The following FAM107B variants were observed in gnomAD, a reference collection of about 807,000 sequenced individuals.
FAM107B encodes the protein family with sequence similarity 107 member B, also known as protein FAM107B.
In FAM107B, 21 loss-of-function variants were observed where a neutral mutation model predicts 31.5. The observed-to-expected ratio is 0.67, with a 90% CI of 0.47 to 0.96. The LOEUF (loss-of-function observed/expected upper bound fraction) is 0.96. Among genes scored for constraint, FAM107B ranks in the 40% least tolerant of loss-of-function variants. The probability of loss-of-function intolerance (pLI) is 0.00; values close to 1 mark genes in which losing one functional copy is unlikely to be tolerated. For synonymous variants in FAM107B, 157 were observed against 141.5 expected (o/e 1.11, Z -0.78); for missense variants, 452 against 377.1 (o/e 1.20, Z -1.64).
chr10:14,593,049 C>T (rs1852070909), intron 2 of FAM107B, among the ~76,000 whole-genome samples: 2 of 152,090 alleles, frequency 1.3e-5, no homozygotes, highest in African/African-American at 2.4e-5. Context: ...CACCATTCAG[C>T]GGGTTAATAT....
chr10:14,640,210 T>A (rs1050782453), intron 2 of FAM107B, among the ~76,000 whole-genome samples: 1 of 152,216 alleles, frequency 6.6e-6, no homozygotes, highest in African/African-American at 2.4e-5. Flanking sequence ...CAGTTAGGTA[T>A]CTTGTTCAAG....
At chr10:14,605,805 C>T (rs1163134040) in intron 2 of FAM107B, among the ~76,000 whole-genome samples, 1 of 152,200 alleles carries the variant, frequency 6.6e-6, no homozygotes, top group Non-Finnish European at 1.5e-5. Context: ...AGTCACCAAA[C>T]CAAAACCTAG....
intron 2 of FAM107B, among the ~76,000 whole-genome samples, chr10:14,598,542 T>G (rs1564594020): frequency 1.3e-5 from 2 of 152,130 alleles, no homozygotes; most frequent in East Asian, 1.9e-4. Flanking sequence ...TGTCAGGGAC[T>G]GCAGTGGGGG....
intron 1 of FAM107B, among the ~76,000 whole-genome samples, chr10:14,672,100 A>ATT (rs1269755073): frequency 2.5e-3 from 15 of 6,050 alleles, no homozygotes; most frequent in African/African-American, 5.6e-3. Flanking sequence ...TTTTTTATTT[A>ATT]TTTATTTTTT....
At chr10:14,521,516 G>A (rs755186169) in intron 4 of FAM107B, among the ~76,000 whole-genome samples, 1 of 152,148 alleles carries the variant, frequency 6.6e-6, no homozygotes, top group Non-Finnish European at 1.5e-5. Flanking sequence ...ATAGGACCAC[G>A]AGATGACAAG....
chr10:14,616,857 T>C lies in FAM107B; in HGVS notation c.469+50777A>G, dbSNP rs569885185. On this transcript the variant is annotated intron_variant, in intron 2 of 4. Transcript: ENST00000181796. Reference sequence around the variant, plus strand: ...GGAGGATGCCCTGGGAGGTCAAGGCTGCAGTGAGCCATGATTGTGCCGCTG... The same window carrying C: ...GGAGGATGCCCTGGGAGGTCAAGGCCGCAGTGAGCCATGATTGTGCCGCTG... Among the ~76,000 whole-genome samples the C allele has an allele frequency of 1.9e-4, 29 of 152,146 alleles. No homozygotes were observed. In the East Asian group the frequency reaches 5.2e-3, roughly 27 times the overall value.
At chr10:14,694,946 G>T (rs958667223) in intron 1 of FAM107B, among the ~76,000 whole-genome samples, 1 of 152,084 alleles carries the variant, frequency 6.6e-6, no homozygotes. Context: ...CCAATGTATA[G>T]GTTGCTGTTT....
intron 2 of FAM107B, among the ~76,000 whole-genome samples, chr10:14,646,067 G>A (rs1853744611): frequency 6.6e-6 from 1 of 152,134 alleles, no homozygotes; most frequent in Non-Finnish European, 1.5e-5. Flanking sequence ...GTCCTCTCGG[G>A]GAAGAGGTGA....
At chr10:14,743,222 T>C (rs565915329) in intron 1 of FAM107B, among the ~76,000 whole-genome samples, 1 of 152,318 alleles carries the variant, frequency 6.6e-6, no homozygotes, top group African/African-American at 2.4e-5. Flanking sequence ...GTTTTTTTCT[T>C]GTAAATTTAA....
At chr10:14,676,979 C>G (rs1353036785) in intron 1 of FAM107B, among the ~76,000 whole-genome samples, 1 of 152,170 alleles carries the variant, frequency 6.6e-6, no homozygotes, top group Non-Finnish European at 1.5e-5. Flanking sequence ...CACTCCAACT[C>G]AGGACAACTC....
chr10:14,674,475 T>A (rs1854633536), intron 1 of FAM107B, among the ~76,000 whole-genome samples: 1 of 152,182 alleles, frequency 6.6e-6, no homozygotes. Flanking sequence ...AACCACCACT[T>A]TGTTTTTCTC....
At chr10:14,762,154 T>C (rs1008433848) in intron 1 of FAM107B, among the ~76,000 whole-genome samples, 3 of 152,144 alleles carry the variant, frequency 2.0e-5, no homozygotes, top group Non-Finnish European at 2.9e-5. Flanking sequence ...TTGTTTGTTT[T>C]TCTTTGCAGG....
At chr10:14,664,924 C>G (rs1461335563) in intron 2 of FAM107B, among the ~76,000 whole-genome samples, 2 of 152,164 alleles carry the variant, frequency 1.3e-5, no homozygotes, top group East Asian at 3.8e-4. Flanking sequence ...ACTAGAAACA[C>G]AAGTACACCC....
intron 1 of FAM107B, among the ~76,000 whole-genome samples, chr10:14,747,522 GT>G (rs1832749898): frequency 1.3e-5 from 2 of 152,098 alleles, no homozygotes; most frequent in East Asian, 3.8e-4. Flanking sequence ...CTTTCTGTTT[GT>G]TTTTCTTTTA....
chr10:14,581,215 T>C (rs1392193840), intron 2 of FAM107B, among the ~76,000 whole-genome samples: 1 of 152,106 alleles, frequency 6.6e-6, no homozygotes, highest in Non-Finnish European at 1.5e-5. Flanking sequence ...AGATGTCGCA[T>C]TTATAAAGGG....
At chr10:14,619,182 T>G (rs912506827) in intron 2 of FAM107B, among the ~76,000 whole-genome samples, 4 of 152,296 alleles carry the variant, frequency 2.6e-5, no homozygotes, top group African/African-American at 9.6e-5. Flanking sequence ...AAATTGCTGT[T>G]GTTTTAAGCC....
chr10:14,600,334 CA>C (rs1852348472), intron 2 of FAM107B, among the ~76,000 whole-genome samples: 1 of 152,208 alleles, frequency 6.6e-6, no homozygotes, highest in African/African-American at 2.4e-5. Context: ...TCCCAAGCGA[CA>C]AAGTGTCCGA....
intron 2 of FAM107B, among the ~76,000 whole-genome samples, chr10:14,635,204 A>T (rs1421247682): frequency 6.6e-6 from 1 of 152,032 alleles, no homozygotes; most frequent in Non-Finnish European, 1.5e-5. Flanking sequence ...GAACTAGGGT[A>T]GGGGTCAGTC....
chr10:14,546,534 G>A (rs1330645650), intron 2 of FAM107B, among the ~76,000 whole-genome samples: 1 of 152,132 alleles, frequency 6.6e-6, no homozygotes, highest in East Asian at 1.9e-4. Context: ...TAGTACAGTC[G>A]TCATGATGAT....
Sources: allele counts gnomAD v4.1 joint callset (sites outside exome capture counted in the v4.1 genomes callset), GRCh38; gene constraint gnomAD v4.1.1; transcripts MANE v1.5; gene names NCBI Gene and HGNC (gene_info 2026-07-23, HGNC 2026-07-21).